Variants in EAF1 observed in about 807,000 individuals in gnomAD.
The protein encoded by EAF1 is ELL-associated factor 1.
Under a neutral mutation model 26.6 loss-of-function variants are expected in EAF1, and 19 were observed. The ratio of observed to expected loss-of-function variants is 0.71; its 90% CI spans 0.50 to 1.05. The LOEUF (loss-of-function observed/expected upper bound fraction) is 1.05, where lower values mean the gene tolerates loss of function less well. Among genes scored for constraint, EAF1 ranks in the 50% least tolerant of loss-of-function variants. The pLI, the probability that EAF1 is intolerant of heterozygous loss-of-function variation, is 0.00. For missense variants in EAF1, 260 were observed against 335.5 expected (o/e 0.78, Z 1.76); for synonymous variants, 102 against 120.6 (o/e 0.85, Z 1.01).
rs74812651 is a variant in EAF1 at position 15,437,789 on chromosome 3, A to G, written c.760+1214A>G. Among the ~76,000 whole-genome samples, 881 of 152,270 alleles carry G rather than the reference A, an allele frequency of 5.8e-3. 8 individuals carry two copies. The highest frequency in any genetic ancestry group is 0.02 in the African/African-American group (839 of 41,546). On this transcript the variant is annotated intron_variant, in intron 5 of 5. Coordinates refer to ENST00000396842, the MANE Select transcript of EAF1 (RefSeq NM_033083.7). The stretch of plus-strand genomic sequence containing the variant: ...TGGGGAAGTTAACCTAGTTAATCCA[A>G]CTATTGTGGACCAGGCAGAGATAAT...
Position 15,436,662 on chromosome 3 carries a change from T to A in EAF1, c.760+87T>A, listed in dbSNP as rs895245902. On this transcript the variant is annotated intron_variant, in intron 5 of 5. Coordinates refer to ENST00000396842, the MANE Select transcript of EAF1 (RefSeq NM_033083.7). The stretch of plus-strand genomic sequence containing the variant: ...GTGCCAGAACTTACAAACCTAAAGA[T>A]GTTTAAGGCATGGGAGAGGATCTTG... The A allele has an allele frequency of 6.0e-6, 7 of 1,157,512 alleles. No individual in the cohort carries two copies. In the African/African-American group the frequency reaches 1.1e-4, roughly 18 times the overall value. The allele number at this position is 1,157,512 out of a possible 1,614,324, so 71.7% of individuals were successfully genotyped here.
At chr3:15,431,688 C>T (rs1461844189) in intron 2 of EAF1, among the ~76,000 whole-genome samples, 2 of 152,164 alleles carry the variant, frequency 1.3e-5, no homozygotes, top group Non-Finnish European at 2.9e-5. Context: ...TTGGAAAATG[C>T]TCTGTTGGTT....
At chr3:15,434,616 T>G (rs1168214420) in intron 4 of EAF1, 78 bp downstream of exon 4, 11 of 1,517,256 alleles carry the variant, frequency 7.2e-6, no homozygotes, top group Non-Finnish European at 9.9e-6. Flanking sequence ...ACATGGCTGC[T>G]GTATTGATAC....
chr3:15,436,688 T>C, intron 5 of EAF1, 113 bp downstream of exon 5: 1 of 888,826 alleles, frequency 1.1e-6, no homozygotes, highest in Non-Finnish European at 1.6e-6. Context: ...GAGGATCTTG[T>C]TAAAAATAGT....
At chr3:15,436,227 G>A in intron 4 of EAF1, 115 bp from the exon 5 acceptor site, 1 of 762,396 alleles carries the variant, frequency 1.3e-6, no homozygotes, top group Non-Finnish European at 2.0e-6. Flanking sequence ...GTAGGACTTT[G>A]TTTTAAATTA....
chr3:15,437,156 A>T (rs2061840624), intron 5 of EAF1, among the ~76,000 whole-genome samples: 1 of 151,930 alleles, frequency 6.6e-6, no homozygotes, highest in African/African-American at 2.4e-5. Context: ...TCGGCCTCCC[A>T]AAGTGCTGGG....
chr3:15,433,335 C>A (rs1430244553), intron 3 of EAF1: 1 of 153,016 alleles, frequency 6.5e-6, no homozygotes, highest in Admixed American at 6.6e-5. Context: ...TCCTGCCACT[C>A]TATTTATTTG....
chr3:15,429,962 A>C lies in EAF1; in HGVS notation c.153A>C (p.Gln51His). ...SIDTSCEGEL[Q>H]VGKGDEVTIT... ...ACACTTCCTGTGAAGGAGAGCTTCAAGTTGGCAAAGGAGATGAAGTCACAA... is the reference window on the plus strand; with the variant it reads ...ACACTTCCTGTGAAGGAGAGCTTCACGTTGGCAAAGGAGATGAAGTCACAA... The change falls in exon 2 of 6, where the codon CAA becomes CAC. Residue 51 changes from glutamine to histidine, a missense_variant. Physicochemically the swap from Gln to His is conservative, Grantham distance 24. Coordinates refer to ENST00000396842, the MANE Select transcript of EAF1 (RefSeq NM_033083.7). 6.2e-7 allele frequency: 1 copy of C among 1,613,320 alleles called. No homozygotes were observed.
intron 1 of EAF1, 110 bp downstream of exon 1, chr3:15,427,992 A>T (rs562462759): frequency 1.2e-6 from 1 of 857,224 alleles, no homozygotes; most frequent in African/African-American, 1.7e-5. Context: ...ACCCCCTGCC[A>T]GCGTCAGTTA....
At chr3:15,438,510 CTTTTT>C (rs11309418) in intron 5 of EAF1, 3 of 138,192 alleles carry the variant, frequency 2.2e-5, no homozygotes, top group Non-Finnish European at 3.2e-5. Context: ...TAAATATTTT[CTTTTT>C]TTTTTTTTTT....
Position 15,437,545 on chromosome 3 carries a change from G to A in EAF1, c.760+970G>A, listed in dbSNP as rs748333675. ...GGTACAAGTAATTTCCCCAACTGCC[G>A]AAGTGCTGTGATTAAAAGCATGAAC... On this transcript the variant is annotated intron_variant, in intron 5 of 5. Coordinates refer to ENST00000396842, the MANE Select transcript of EAF1 (RefSeq NM_033083.7). Among the ~76,000 whole-genome samples the A allele has an allele frequency of 1.1e-3, 166 of 151,760 alleles. 1 individual carries two copies. Among genetic ancestry groups the A allele is most frequent in the Non-Finnish European group, 1.8e-3 (119 of 67,952 alleles).
intron 1 of EAF1, among the ~76,000 whole-genome samples, chr3:15,429,191 G>A (rs78033170): frequency 0.046 from 6,948 of 152,194 alleles, 259 homozygotes; most frequent in Non-Finnish European, 0.073. Context: ...GAACATCTAC[G>A]AAGTGTCTTT....
In EAF1 at chr3:15,441,222, T is replaced by G. The variant is rs2061867703; in HGVS notation, c.*2067T>G. The G allele has an allele frequency of 6.5e-6, 1 of 153,824 alleles. No individual in the cohort carries two copies. The highest frequency in any genetic ancestry group is 2.4e-5 in the African/African-American group (1 of 41,410). 9.5% of individuals were successfully genotyped at this position (153,824 alleles called of 1,614,324 possible). Reference sequence around the variant, plus strand: ...CAATTTTGTTCTCTGCACAAAGCCTTTGGTGGTTCTGCCCTCTGCCCTCCA... The same window carrying G: ...CAATTTTGTTCTCTGCACAAAGCCTGTGGTGGTTCTGCCCTCTGCCCTCCA... On this transcript the variant is annotated 3_prime_UTR_variant, in exon 6 of 6. Coordinates refer to ENST00000396842, the MANE Select transcript of EAF1 (RefSeq NM_033083.7).
chr3:15,434,105 C>T (rs2061819919), intron 3 of EAF1, among the ~76,000 whole-genome samples: 1 of 152,150 alleles, frequency 6.6e-6, no homozygotes, highest in African/African-American at 2.4e-5. Context: ...CATTTGAGCT[C>T]ATCGAGGGCA....
Position 15,439,212 on chromosome 3 carries a change from A to G in EAF1, c.*57A>G. ...CACAAACATGCCGCAAGACTGAGCT[A>G]CTTTGGCGTGGAGTCCATTGCAAGA... On this transcript the variant is annotated 3_prime_UTR_variant, in exon 6 of 6. Transcript: ENST00000396842. 1.9e-6 allele frequency: 3 copies of G among 1,575,790 alleles called. No homozygotes were observed. The highest frequency in any genetic ancestry group is 2.6e-6 in the Non-Finnish European group (3 of 1,152,696).
At chr3:15,435,772 G>A (rs2061830878) in intron 4 of EAF1, among the ~76,000 whole-genome samples, 1 of 152,142 alleles carries the variant, frequency 6.6e-6, no homozygotes, top group Non-Finnish European at 1.5e-5. Context: ...AGTCACCATG[G>A]TTCTTCCTGC....
chr3:15,435,745 TTTTACCATTTTTA>T (rs1470992658), intron 4 of EAF1, among the ~76,000 whole-genome samples: 1 of 152,180 alleles, frequency 6.6e-6, no homozygotes. Context: ...AAGAATATTG[TTTTACCATTTTTA>T]TTTAGTCACC....
chr3:15,430,672 A>G (rs1209355774), intron 2 of EAF1, among the ~76,000 whole-genome samples: 2 of 152,140 alleles, frequency 1.3e-5, no homozygotes, highest in African/African-American at 4.8e-5. Context: ...CCAGGAGTTA[A>G]GGCAGGCAGG....
At chr3:15,429,862 C>A in intron 1 of EAF1, 51 bp from the exon 2 acceptor site, 1 of 1,165,240 alleles carries the variant, frequency 8.6e-7, no homozygotes, top group South Asian at 1.2e-5. Context: ...CCCAGGAAAC[C>A]CTTATTATAA....
Sources: gnomAD v4.1 joint callset for allele counts (sites outside exome capture counted in the v4.1 genomes callset) on GRCh38, gnomAD v4.1.1 for gene constraint, MANE v1.5 for transcripts, NCBI Gene and HGNC (gene_info 2026-07-23, HGNC 2026-07-21) for gene names.